The following KATNIP variants were observed in gnomAD, a reference collection of about 807,000 sequenced individuals.
KATNIP encodes the protein katanin-interacting protein.
KATNIP carries 126 observed loss-of-function variants against 174.0 expected under a neutral mutation model. The observed-to-expected ratio is 0.72, with a 90% CI of 0.63 to 0.84. The LOEUF is 0.84. Among genes scored for constraint, KATNIP ranks in the 40% least tolerant of loss-of-function variants. The pLI is 0.00. For missense variants in KATNIP, 1,958 were observed against 2,109.7 expected, an observed-to-expected ratio of 0.93 and a Z score of 1.41; for synonymous variants, 810 against 835.7, an observed-to-expected ratio of 0.97 and a Z score of 0.53.
At chr16:27,579,455 C>G (rs1175859564) in intron 2 of KATNIP, among the ~76,000 whole-genome samples, 1 of 152,206 alleles carries the variant, frequency 6.6e-6, no homozygotes, top group African/African-American at 2.4e-5. Flanking sequence ...CAGTGCTGGG[C>G]ACACCATAAG....
chr16:27,583,912 G>A (rs747177843), intron 2 of KATNIP, among the ~76,000 whole-genome samples: 1 of 152,158 alleles, frequency 6.6e-6, no homozygotes, highest in African/African-American at 2.4e-5. Flanking sequence ...TGGCAAGATG[G>A]CTACCAGCAG....
At position 27,642,758 on chromosome 16, in the gene KATNIP, AT is replaced by A. The variant is rs775979540; in HGVS notation, c.409-5841del. 7.8e-3 allele frequency among the ~76,000 whole-genome samples: 1,136 copies of A among 145,826 alleles called. 2 individuals carry two copies. The highest frequency in any genetic ancestry group is 0.014 in the South Asian group (59 of 4,338). Reference sequence around the variant, plus strand: ...CCCAGGCTGGACACATTGTTTTTTAATTTTTAAAAAATTTTTTTTTTTTTTT... The same window carrying A: ...CCCAGGCTGGACACATTGTTTTTTAATTTTAAAAAATTTTTTTTTTTTTTT... On this transcript the variant is annotated intron_variant, in intron 5 of 27. Transcript: ENST00000261588.
At position 27,749,678 on chromosome 16, in the gene KATNIP, C is replaced by G. The variant is rs541983462; in HGVS notation, c.2718C>G (p.Phe906Leu). 2.5e-6 allele frequency: 4 copies of G among 1,612,568 alleles called. No homozygotes were observed. In the South Asian group the frequency reaches 4.4e-5, roughly 18 times the overall value. Residue 906 changes from phenylalanine (F) to leucine (L), a missense_variant, in exon 16 of 28, where the codon TTC becomes TTG. Physicochemically the swap from Phe to Leu is conservative, Grantham distance 22. Around this residue, in one of 3 missense-constraint regions of KATNIP, gnomAD observed 1,557 missense variants for 1,617.8 expected, o/e 0.96. Coordinates refer to ENST00000261588, the MANE Select transcript of KATNIP (RefSeq NM_015202.5). ...AGTCATGGAGCTCCCTCAGTGCCTT[C>G]GACCGCTCCCACCGGGGACGCATCT... ...LHESWSSLSA[F>L]DRSHRGRISN...
chr16:27,579,793 T>A (rs1195285431), intron 2 of KATNIP, among the ~76,000 whole-genome samples: 1 of 152,108 alleles, frequency 6.6e-6, no homozygotes, highest in African/African-American at 2.4e-5. Context: ...TTGCAAGGAT[T>A]GCAAAAGTCA....
chr16:27,756,796 G>T (rs551459292), intron 18 of KATNIP, among the ~76,000 whole-genome samples: 1 of 152,162 alleles, frequency 6.6e-6, no homozygotes, highest in Non-Finnish European at 1.5e-5. Context: ...GTTAGGGGTC[G>T]TCAGTTTCCA....
chr16:27,762,532 G>A (rs2081988730), intron 19 of KATNIP, among the ~76,000 whole-genome samples: 1 of 152,044 alleles, frequency 6.6e-6, no homozygotes, highest in Non-Finnish European at 1.5e-5. Context: ...GCAGGCCTGT[G>A]GCATACCTAC....
intron 1 of KATNIP, among the ~76,000 whole-genome samples, chr16:27,559,063 C>T (rs527700707): frequency 2.6e-5 from 4 of 152,340 alleles, no homozygotes; most frequent in African/African-American, 9.6e-5. Context: ...CCAGCTCCCT[C>T]AGCATCTGGT....
chr16:27,576,214 T>G (rs2090490468), intron 2 of KATNIP, among the ~76,000 whole-genome samples: 1 of 152,152 alleles, frequency 6.6e-6, no homozygotes, highest in Non-Finnish European at 1.5e-5. Context: ...GCTACGGGAC[T>G]CCCCTAATTG....
intron 18 of KATNIP, among the ~76,000 whole-genome samples, chr16:27,756,459 A>G (rs2081732408): frequency 6.6e-6 from 1 of 152,188 alleles, no homozygotes; most frequent in Non-Finnish European, 1.5e-5. Context: ...GCTCAGAGAG[A>G]TGGAGTCACC....
At chr16:27,734,567 C>G (rs1471830083) in intron 14 of KATNIP, among the ~76,000 whole-genome samples, 1 of 151,948 alleles carries the variant, frequency 6.6e-6, no homozygotes, top group Non-Finnish European at 1.5e-5. Flanking sequence ...GGCGTAGTGG[C>G]GTGCCTGTAA....
At chr16:27,675,178 C>A (rs1348193023) in intron 6 of KATNIP, among the ~76,000 whole-genome samples, 1 of 152,154 alleles carries the variant, frequency 6.6e-6, no homozygotes, top group Non-Finnish European at 1.5e-5. Flanking sequence ...GTTGGGGAGG[C>A]CTCACAGTCA....
At chr16:27,591,912 A>AT (rs1413518506) in intron 2 of KATNIP, among the ~76,000 whole-genome samples, 1 of 151,892 alleles carries the variant, frequency 6.6e-6, no homozygotes, top group African/African-American at 2.4e-5. Flanking sequence ...GCCATTATGC[A>AT]TTTTTTCAAG....
chr16:27,700,446 T>C (rs1314239129), intron 10 of KATNIP, among the ~76,000 whole-genome samples: 1 of 152,142 alleles, frequency 6.6e-6, no homozygotes, highest in Non-Finnish European at 1.5e-5. Flanking sequence ...CCCAGCCCCA[T>C]GCAGCTTACA....
chr16:27,742,216 A>T (rs2081136415), intron 15 of KATNIP, among the ~76,000 whole-genome samples: 1 of 152,234 alleles, frequency 6.6e-6, no homozygotes, highest in South Asian at 2.1e-4. Flanking sequence ...AGCAGCTAGG[A>T]GTCAAACCAT....
chr16:27,553,386 G>A (rs948346077), intron 1 of KATNIP, among the ~76,000 whole-genome samples: 27 of 152,318 alleles, frequency 1.8e-4, no homozygotes, highest in African/African-American at 6.3e-4. Flanking sequence ...TTTCCTTGAA[G>A]TGACAGACTC....
At chr16:27,661,371 G>A (rs770740390) in intron 6 of KATNIP, among the ~76,000 whole-genome samples, 1 of 152,000 alleles carries the variant, frequency 6.6e-6, no homozygotes, top group Non-Finnish European at 1.5e-5. Context: ...AGAGAAGCCA[G>A]GTATCTGGGT....
At chr16:27,699,698 T>G in intron 10 of KATNIP, 99 bp downstream of exon 10, 2 of 1,525,390 alleles carry the variant, frequency 1.3e-6, no homozygotes, top group Non-Finnish European at 1.8e-6. Flanking sequence ...TGCATGTGCA[T>G]AGCACCTGAT....
intron 1 of KATNIP, among the ~76,000 whole-genome samples, chr16:27,563,703 G>C (rs2089974758): frequency 6.6e-6 from 1 of 151,846 alleles, no homozygotes; most frequent in Non-Finnish European, 1.5e-5. Flanking sequence ...TTATATGGCT[G>C]CCATAGGAAA....
intron 15 of KATNIP, among the ~76,000 whole-genome samples, chr16:27,743,299 AT>A (rs997440773): frequency 2.6e-5 from 4 of 151,906 alleles, no homozygotes; most frequent in South Asian, 2.1e-4. Context: ...TAATGCATGC[AT>A]TTTTTTAATG....
Sources: gnomAD v4.1 joint callset for allele counts (sites outside exome capture counted in the v4.1 genomes callset) on GRCh38, gnomAD v4.1.1 for gene constraint, gnomAD v4.1.1 regional missense constraint, MANE v1.5 for transcripts, NCBI Gene and HGNC (gene_info 2026-07-23, HGNC 2026-07-21) for gene names.